RYR2: variants seen among roughly 807,000 people sequenced by gnomAD.
RYR2 encodes the protein ryanodine receptor 2.
In RYR2, 227 loss-of-function variants were observed where a neutral mutation model predicts 601.1. That is an observed-to-expected ratio of 0.38 (90% CI 0.34 to 0.42). RYR2 has a LOEUF of 0.42. Among genes scored for constraint, RYR2 ranks in the 10% least tolerant of loss-of-function variants. RYR2 has a pLI of 1.00. For missense variants in RYR2, 4,646 were observed against 6,156.5 expected (o/e 0.75, Z 8.21); for synonymous variants, 2,223 against 2,175.1 (o/e 1.02, Z -0.61).
At chr1:237,185,025 A>G (rs1679198571) in intron 1 of RYR2, among the ~76,000 whole-genome samples, 1 of 151,852 alleles carries the variant, frequency 6.6e-6, no homozygotes, top group Non-Finnish European at 1.5e-5. Flanking sequence ...ATGCACCACC[A>G]CACCTGGCTA....
chr1:237,611,057 G>T (rs1191213750), intron 36 of RYR2, 69 bp downstream of exon 36: 1 of 1,379,694 alleles, frequency 7.2e-7, no homozygotes, highest in East Asian at 2.4e-5. Context: ...CGGGGCTTCC[G>T]GTAGTGGTGC....
At chr1:237,387,170 T>A (rs1702014107) in intron 8 of RYR2, 111 bp from the exon 9 acceptor site, 8 of 904,124 alleles carry the variant, frequency 8.8e-6, no homozygotes, top group Non-Finnish European at 1.5e-5. Context: ...AAACAGATGT[T>A]CTCTATGAAC....
chr1:237,700,117 T>C lies in RYR2; in HGVS notation c.9129-112T>C, dbSNP rs573871341. The C allele has an allele frequency of 9.8e-5, 70 of 713,120 alleles. No homozygotes were observed. The South Asian group carries it at 1.5e-3, about 15-fold the overall frequency. The allele number at this position is 713,120 out of a possible 1,614,324, so 44.2% of individuals were successfully genotyped here. A position where few individuals can be genotyped will look rare whatever the true frequency, so the allele number is the denominator to read the frequency against. On this transcript the variant is annotated intron_variant, in intron 64 of 104. Transcript: ENST00000366574. ...TTTTAGAGTTGATTTTAAAAGTTGGTTACCAGGTGAGTAGAGTAATGGAGA... is the reference window on the plus strand; with the variant it reads ...TTTTAGAGTTGATTTTAAAAGTTGGCTACCAGGTGAGTAGAGTAATGGAGA...
intron 19 of RYR2, among the ~76,000 whole-genome samples, chr1:237,496,080 G>A (rs1158669081): frequency 3.3e-5 from 5 of 152,106 alleles, no homozygotes; most frequent in African/African-American, 1.2e-4. Flanking sequence ...TTAATATGTG[G>A]CATCTTAGAG....
At chr1:237,629,970 T>C (rs1680080034) in intron 41 of RYR2, among the ~76,000 whole-genome samples, 1 of 152,122 alleles carries the variant, frequency 6.6e-6, no homozygotes, top group African/African-American at 2.4e-5. Flanking sequence ...TCTTTATAAT[T>C]GTATGAGCAT....
At chr1:237,525,743 G>A (rs1667513207) in intron 24 of RYR2, among the ~76,000 whole-genome samples, 1 of 152,012 alleles carries the variant, frequency 6.6e-6, no homozygotes, top group African/African-American at 2.4e-5. Flanking sequence ...ACTGTGGGAG[G>A]CCAAGGCCGG....
chr1:237,062,777 T>C (rs1050553461), intron 1 of RYR2, among the ~76,000 whole-genome samples: 13 of 152,202 alleles, frequency 8.5e-5, no homozygotes, highest in African/African-American at 3.1e-4. Flanking sequence ...TTTGATCCTT[T>C]CCCTCAGTTT....
At chr1:237,172,371 C>A (rs1677499846) in intron 1 of RYR2, among the ~76,000 whole-genome samples, 2 of 152,260 alleles carry the variant, frequency 1.3e-5, no homozygotes, top group South Asian at 2.1e-4. Context: ...TGAGAAGCAT[C>A]ATTTAAGAGG....
intron 63 of RYR2, among the ~76,000 whole-genome samples, chr1:237,696,359 G>C (rs1423450066): frequency 6.6e-6 from 1 of 152,038 alleles, no homozygotes; most frequent in East Asian, 1.9e-4. Context: ...CTTTCCCATT[G>C]TCTATACTGC....
chr1:237,092,851 T>C (rs1203217460), intron 1 of RYR2, among the ~76,000 whole-genome samples: 2 of 152,168 alleles, frequency 1.3e-5, no homozygotes, highest in African/African-American at 4.8e-5. Context: ...TTATTATTAT[T>C]TCAAAATCTA....
chr1:237,433,023 G>A (rs1160548795), intron 12 of RYR2, among the ~76,000 whole-genome samples: 1 of 87,992 alleles, frequency 1.1e-5, no homozygotes, highest in African/African-American at 5.6e-5. Context: ...AAATGTTTAG[G>A]TGACTGTGTG....
In RYR2 at chr1:237,130,857, G is replaced by A. The variant is rs961861606; in HGVS notation, c.48+88288G>A. Among the ~76,000 whole-genome samples the A allele has an allele frequency of 1.2e-4, 18 of 151,968 alleles. No individual in the cohort carries two copies. In the East Asian group the frequency reaches 3.3e-3, roughly 28 times the overall value. ...ATATGATCAATTTTTTTAGATACAG[G>A]GTCTTATAGAAATCTAAAATAGCCC... is the stretch of plus-strand genomic sequence containing the variant. On this transcript the variant is annotated intron_variant, in intron 1 of 104. Coordinates refer to ENST00000366574, the MANE Select transcript of RYR2 (RefSeq NM_001035.3).
rs200105499 is a variant in RYR2, at chr1:237,649,983, A to G, written c.7619A>G (p.His2540Arg). 189 of 1,613,986 alleles carry G rather than the reference A, an allele frequency of 1.2e-4. No homozygotes were observed. The African/African-American group carries it at 2.3e-3, about 20-fold the overall frequency. Reference sequence around the variant, plus strand: ...GCTCCTCTCTTTGCTGGCACAGAGCACCACGCTTCTCTCATTGACTCATTA... The same window carrying G: ...GCTCCTCTCTTTGCTGGCACAGAGCGCCACGCTTCTCTCATTGACTCATTA... ...RCAPLFAGTEHHASLIDSLLH... is the reference protein window; with the variant it reads ...RCAPLFAGTERHASLIDSLLH... Residue 2540 changes from histidine to arginine, a missense_variant, in exon 50 of 105, where the codon CAC (histidine) becomes CGC (arginine). Physicochemically the swap from His to Arg is conservative, Grantham distance 29. Around this residue, in one of 17 missense-constraint regions of RYR2, gnomAD observed 1,497 missense variants for 1,842.6 expected, o/e 0.81. Transcript: ENST00000366574.
chr1:237,116,403 C>A (rs984716260), intron 1 of RYR2, among the ~76,000 whole-genome samples: 2 of 152,108 alleles, frequency 1.3e-5, no homozygotes, highest in Non-Finnish European at 2.9e-5. Context: ...ATGTTCTCGT[C>A]TCATGCAGGA....
chr1:237,803,383 A>C (rs1437631598), intron 98 of RYR2, among the ~76,000 whole-genome samples: 3 of 151,506 alleles, frequency 2.0e-5, no homozygotes, highest in Non-Finnish European at 2.9e-5. Context: ...CGCTCACTGC[A>C]AGCTCCGCCT....
intron 24 of RYR2, among the ~76,000 whole-genome samples, chr1:237,513,898 G>T (rs1167971364): frequency 6.6e-6 from 1 of 152,192 alleles, no homozygotes; most frequent in Non-Finnish European, 1.5e-5. Flanking sequence ...CAAGGATGCA[G>T]ATTATCATGT....
intron 25 of RYR2, among the ~76,000 whole-genome samples, chr1:237,538,858 G>C (rs781292544): frequency 6.6e-6 from 1 of 152,160 alleles, no homozygotes; most frequent in African/African-American, 2.4e-5. Flanking sequence ...AGAAACCAGG[G>C]GGACGAGTTT....
At chr1:237,556,840 T>C (rs1670938828) in intron 27 of RYR2, among the ~76,000 whole-genome samples, 1 of 140,446 alleles carries the variant, frequency 7.1e-6, no homozygotes, top group Admixed American at 7.5e-5. Flanking sequence ...GTATATTAGT[T>C]ATCTATTCCT....
intron 1 of RYR2, among the ~76,000 whole-genome samples, chr1:237,098,508 G>A (rs1667730447): frequency 6.6e-6 from 1 of 151,706 alleles, no homozygotes; most frequent in African/African-American, 2.4e-5. Context: ...TTCACAAAAG[G>A]CAAGATGAAG....
Sources: gnomAD v4.1 joint callset for allele counts (sites outside exome capture counted in the v4.1 genomes callset) on GRCh38, gnomAD v4.1.1 for gene constraint, gnomAD v4.1.1 regional missense constraint, MANE v1.5 for transcripts, NCBI Gene and HGNC (gene_info 2026-07-23, HGNC 2026-07-21) for gene names.